The following SV2C variants were observed in gnomAD, a reference collection of about 807,000 sequenced individuals.
The protein encoded by SV2C is solute carrier family 22 member B3.
Under a neutral mutation model 79.7 loss-of-function variants are expected in SV2C, and 49 were observed. The observed-to-expected ratio is 0.61, with a 90% confidence interval of 0.49 to 0.78. The LOEUF (loss-of-function observed/expected upper bound fraction) is 0.78, where lower values mean the gene tolerates loss of function less well. Among genes scored for constraint, SV2C ranks in the 30% least tolerant of loss-of-function variants. The pLI is 0.00. For synonymous variants in SV2C, 334 were observed against 333.2 expected (o/e 1.00, Z -0.03); for missense variants, 833 against 912.9 (o/e 0.91, Z 1.13).
chr5:76,092,989 C>T (rs1450488652), intron 1 of SV2C, among the ~76,000 whole-genome samples: 4 of 152,086 alleles, frequency 2.6e-5, no homozygotes, highest in Non-Finnish European at 4.4e-5. Flanking sequence ...GAGGCCAAGC[C>T]ACTGAGATAT....
At chr5:76,250,489 A>C (rs1279893904) in intron 4 of SV2C, among the ~76,000 whole-genome samples, 3 of 152,294 alleles carry the variant, frequency 2.0e-5, no homozygotes, top group East Asian at 3.9e-4. Flanking sequence ...CATCTGAGCC[A>C]CTGCTTTCCA....
the SV2C span, among the ~76,000 whole-genome samples, chr5:75,854,493 A>C: frequency 6.6e-6 from 1 of 152,160 alleles, no homozygotes; most frequent in Admixed American, 6.5e-5. Context: ...ACATATTCTC[A>C]TATTGGTCAT....
At chr5:75,872,227 T>A in the SV2C span, among the ~76,000 whole-genome samples, 2 of 150,452 alleles carry the variant, frequency 1.3e-5, no homozygotes, top group African/African-American at 2.4e-5. Context: ...ATGAGAAAAA[T>A]TGCTAAATTT....
the SV2C span, among the ~76,000 whole-genome samples, chr5:75,865,637 G>A: frequency 3.3e-5 from 5 of 152,196 alleles, no homozygotes. Flanking sequence ...GTGGCCAATA[G>A]CCTTGCCAAC....
chr5:76,304,078 C>T (rs1183822131), intron 12 of SV2C, among the ~76,000 whole-genome samples: 1 of 152,220 alleles, frequency 6.6e-6, no homozygotes, highest in African/African-American at 2.4e-5. Flanking sequence ...CAGTCATTGT[C>T]TGGGAGCAGC....
Position 76,209,900 on chromosome 5 carries a change from C to A in SV2C, c.913+13C>A. 1 of 1,605,602 alleles carries A rather than the reference C, an allele frequency of 6.2e-7. No individual in the cohort carries two copies. On this transcript the variant is annotated intron_variant, in intron 4 of 12. Coordinates refer to ENST00000502798, the MANE Select transcript of SV2C (RefSeq NM_014979.4). The stretch of plus-strand genomic sequence containing the variant: ...ATCCCGCACTACGGTAAGAGGCTGG[C>A]CTTGCCCCAGCTGGGCAGTCACTTC...
chr5:76,316,968 T>C (rs1442612252), intron 12 of SV2C, among the ~76,000 whole-genome samples: 1 of 152,170 alleles, frequency 6.6e-6, no homozygotes, highest in Non-Finnish European at 1.5e-5. Context: ...ATCTTATTAA[T>C]TTTGGGGTCT....
chr5:76,315,304 G>T (rs934928631), intron 12 of SV2C, among the ~76,000 whole-genome samples: 1 of 151,402 alleles, frequency 6.6e-6, no homozygotes, highest in South Asian at 2.1e-4. Context: ...GACTTAATAT[G>T]AAATTCATTT....
chr5:76,246,166 C>T (rs1471503012), intron 4 of SV2C, among the ~76,000 whole-genome samples: 2 of 152,004 alleles, frequency 1.3e-5, no homozygotes, highest in Non-Finnish European at 2.9e-5. Flanking sequence ...AAAAAAAAGA[C>T]AATACCTTTT....
At chr5:76,241,999 C>T (rs1056511045) in intron 4 of SV2C, 37 of 1,212,450 alleles carry the variant, frequency 3.1e-5, no homozygotes, top group Non-Finnish European at 3.8e-5. Flanking sequence ...ACCAGAAGTA[C>T]ACAGTTATCA....
chr5:76,285,098 G>C (rs1747307500), intron 4 of SV2C, 64 bp from the exon 5 acceptor site: 1 of 1,595,984 alleles, frequency 6.3e-7, no homozygotes, highest in Non-Finnish European at 8.5e-7. Flanking sequence ...GGCATCCCGG[G>C]TGATGTTCCC....
At chr5:75,874,734 A>G in the SV2C span, among the ~76,000 whole-genome samples, 1 of 152,194 alleles carries the variant, frequency 6.6e-6, no homozygotes, top group African/African-American at 2.4e-5. Flanking sequence ...ATCAATTTCC[A>G]AAATCACTAG....
chr5:75,967,093 A>G, the SV2C span, among the ~76,000 whole-genome samples: 1 of 152,106 alleles, frequency 6.6e-6, no homozygotes, highest in East Asian at 1.9e-4. Flanking sequence ...CAATGCTTTG[A>G]GAGGCTGAAG....
chr5:75,968,736 G>C, the SV2C span, among the ~76,000 whole-genome samples: 1 of 152,228 alleles, frequency 6.6e-6, no homozygotes, highest in South Asian at 2.1e-4. Flanking sequence ...ATGGAACCAA[G>C]TTGGAAAACA....
At position 76,319,821 on chromosome 5, in the gene SV2C, C is replaced by T. The variant is rs576187340; in HGVS notation, c.2001-5543C>T. Among the ~76,000 whole-genome samples the T allele has an allele frequency of 1.9e-4, 29 of 152,214 alleles. No individual in the cohort carries two copies. The South Asian group carries it at 6.0e-3, about 32-fold the overall frequency. On this transcript the variant is annotated intron_variant, in intron 12 of 12. Transcript: ENST00000502798. ...TTTGGGAAAATACGGTTATTTTAACCTAGATGCAAATCCTATCTGGGTTAC... is the reference window on the plus strand; with the variant it reads ...TTTGGGAAAATACGGTTATTTTAACTTAGATGCAAATCCTATCTGGGTTAC...
intron 1 of SV2C, among the ~76,000 whole-genome samples, chr5:76,104,196 G>A (rs10474460): frequency 0.33 from 49,474 of 152,076 alleles, 10,486 homozygotes; most frequent in African/African-American, 0.59. Flanking sequence ...TGTGACAGTT[G>A]TTAACTGTTC....
intron 2 of SV2C, among the ~76,000 whole-genome samples, chr5:76,146,311 A>G (rs1749419826): frequency 6.6e-6 from 1 of 152,166 alleles, no homozygotes; most frequent in African/African-American, 2.4e-5. Context: ...AAGAAAAGGA[A>G]TAAAAGAATA....
chr5:76,049,562 A>T, the SV2C span, among the ~76,000 whole-genome samples: 74 of 152,310 alleles, frequency 4.9e-4, no homozygotes, highest in African/African-American at 1.6e-3. Flanking sequence ...TGCAATGGGT[A>T]TGGGCTGCTA....
intron 12 of SV2C, among the ~76,000 whole-genome samples, chr5:76,302,916 C>T (rs1233559647): frequency 6.6e-6 from 1 of 152,196 alleles, no homozygotes; most frequent in Non-Finnish European, 1.5e-5. Context: ...TATGCCAAAA[C>T]ATTTGGGATA....
Sources: allele counts gnomAD v4.1 joint callset (sites outside exome capture counted in the v4.1 genomes callset), GRCh38; gene constraint gnomAD v4.1.1; transcripts MANE v1.5; gene names NCBI Gene and HGNC (gene_info 2026-07-23, HGNC 2026-07-21).